NELL2: variants seen among roughly 807,000 people sequenced by gnomAD.
NELL2 encodes neural EGFL like 2.
In NELL2, 41 loss-of-function variants were observed where a neutral mutation model predicts 109.6. The observed-to-expected ratio is 0.37, with a 90% CI of 0.29 to 0.49. NELL2 has a LOEUF of 0.49. NELL2 is among the 20% of genes least tolerant of loss of function. The probability of loss-of-function intolerance (pLI) is 0.98; values close to 1 mark genes in which losing one functional copy is unlikely to be tolerated. For missense variants in NELL2, 900 were observed against 1,008.3 expected, an observed-to-expected ratio of 0.89 and a Z score of 1.45; for synonymous variants, 355 against 344.7, an observed-to-expected ratio of 1.03 and a Z score of -0.33.
At chr12:44,831,102 T>C (rs1382171262) in intron 2 of NELL2, among the ~76,000 whole-genome samples, 2 of 152,074 alleles carry the variant, frequency 1.3e-5, no homozygotes, top group African/African-American at 2.4e-5. Context: ...TTTCCCACCA[T>C]TGTGAGTTTT....
intron 16 of NELL2, among the ~76,000 whole-genome samples, chr12:44,527,793 C>A (rs943380798): frequency 3.9e-5 from 6 of 151,974 alleles, no homozygotes; most frequent in African/African-American, 1.4e-4. Context: ...TAGATGTGTT[C>A]TTTTAAAAAA....
intron 12 of NELL2, among the ~76,000 whole-genome samples, chr12:44,685,577 C>A (rs917887077): frequency 6.6e-6 from 1 of 151,922 alleles, no homozygotes. Context: ...CAATGTTTAG[C>A]GCTTCCTTCA....
intron 9 of NELL2, among the ~76,000 whole-genome samples, chr12:44,722,074 G>C (rs1383449503): frequency 2.6e-5 from 4 of 152,210 alleles, no homozygotes; most frequent in African/African-American, 9.6e-5. Flanking sequence ...ACTGGAGATG[G>C]AACAGGAGAA....
In NELL2 at chr12:44,696,133, T is replaced by C. The variant is rs1164437782; in HGVS notation, c.1318+7593A>G. ...AGAAGAGGCATCATTGGCCAAAAGA[T>C]AGCATTACAAAGACAGGAATGAGGT... On this transcript the variant is annotated intron_variant, in intron 12 of 19. Coordinates refer to ENST00000429094, the MANE Select transcript of NELL2 (RefSeq NM_001145108.2). Among the ~76,000 whole-genome samples the C allele has an allele frequency of 3.3e-5, 5 of 152,210 alleles. No individual in the cohort carries two copies. In the East Asian group the frequency reaches 5.8e-4, roughly 18 times the overall value.
intron 13 of NELL2, among the ~76,000 whole-genome samples, chr12:44,624,697 G>GTT (rs1946174586): frequency 6.6e-6 from 1 of 152,092 alleles, no homozygotes; most frequent in Non-Finnish European, 1.5e-5. Context: ...AGGATTTGCA[G>GTT]TTATCAAAAT....
intron 16 of NELL2, among the ~76,000 whole-genome samples, chr12:44,527,869 G>A (rs758986398): frequency 4.6e-5 from 7 of 151,902 alleles, no homozygotes; most frequent in East Asian, 1.9e-4. Flanking sequence ...CGAGGCGGAC[G>A]GATCACGAGG....
chr12:44,613,740 T>C lies in NELL2; in HGVS notation c.1445-2770A>G, dbSNP rs562096831. On this transcript the variant is annotated intron_variant, in intron 13 of 19. Coordinates refer to ENST00000429094, the MANE Select transcript of NELL2 (RefSeq NM_001145108.2). ...GTCTCAAAGAAGATTTGATAATCCT[T>C]CACAAAAACAGAATATAAATGAAGC... Among the ~76,000 whole-genome samples the C allele has an allele frequency of 5.3e-5, 8 of 152,170 alleles. No individual in the cohort carries two copies. The East Asian group carries it at 1.5e-3, about 29-fold the overall frequency.
At position 44,875,804 on chromosome 12, in the gene NELL2, C is replaced by A; in HGVS notation, c.55+11G>T. On this transcript the variant is annotated intron_variant, in intron 1 of 19. Transcript: ENST00000429094. The stretch of plus-strand genomic sequence containing the variant: ...ATCCCTTTCCCCAGCCCCAGCTCTG[C>A]GGCCACTCACCTGCTCCGAGACCGA... 1.2e-6 allele frequency: 2 copies of A among 1,613,352 alleles called. No individual in the cohort carries two copies. The highest frequency in any genetic ancestry group is 1.7e-6 in the Non-Finnish European group (2 of 1,180,018).
chr12:44,781,905 G>C (rs1417285016), intron 3 of NELL2, among the ~76,000 whole-genome samples: 1 of 151,940 alleles, frequency 6.6e-6, no homozygotes, highest in South Asian at 2.1e-4. Context: ...GCAAAATAAT[G>C]ACCTCTAAAC....
intron 13 of NELL2, among the ~76,000 whole-genome samples, chr12:44,649,525 C>T (rs145021462): frequency 6.6e-6 from 1 of 152,208 alleles, no homozygotes; most frequent in African/African-American, 2.4e-5. Flanking sequence ...GCTGTGTGTC[C>T]CCACATCCTG....
intron 12 of NELL2, among the ~76,000 whole-genome samples, chr12:44,671,433 C>A (rs1390494831): frequency 6.6e-6 from 1 of 151,832 alleles, no homozygotes; most frequent in African/African-American, 2.4e-5. Flanking sequence ...AAAGAAATGA[C>A]AAAGATCAGA....
intron 1 of NELL2, among the ~76,000 whole-genome samples, chr12:44,888,812 G>A (rs1258112330): frequency 1.3e-5 from 2 of 151,626 alleles, no homozygotes; most frequent in East Asian, 3.9e-4. Flanking sequence ...TTGTGTGAAT[G>A]TGGAATCATG....
chr12:44,834,847 G>A (rs550261901), intron 2 of NELL2, among the ~76,000 whole-genome samples: 10 of 152,292 alleles, frequency 6.6e-5, no homozygotes, highest in Admixed American at 5.2e-4. Context: ...ACCTCTCAGC[G>A]CCAGGAGAGC....
At chr12:44,776,242 G>T in intron 7 of NELL2, 92 bp from the exon 8 acceptor site, 2 of 1,361,528 alleles carry the variant, frequency 1.5e-6, no homozygotes, top group African/African-American at 1.5e-5. Context: ...TTTAAAGTAT[G>T]TAGCAATGAT....
chr12:44,917,774 T>A (rs986934083), upstream of NELL2, among the ~76,000 whole-genome samples: 1 of 152,214 alleles, frequency 6.6e-6, no homozygotes, highest in Admixed American at 6.5e-5. Context: ...GAGACTGTCC[T>A]GTGGGCTAGA....
In NELL2 at chr12:44,703,781, A is replaced by G; in HGVS notation, c.1263T>C (p.Val421=). ...SICRNLNDRA[V]CSCRDGFRAL... is the part of the protein sequence containing the mutation. ...CCCTAAAACCATCTCGACAGCTACA[A>G]ACAGCCCTGTCATTCAGATTTCTGC... The change falls in exon 12 of 20, where the codon GTT becomes GTC. Residue 421 remains valine (V), a synonymous_variant. Transcript: ENST00000429094. 1 of 1,613,596 alleles carries G rather than the reference A, an allele frequency of 6.2e-7. No individual in the cohort carries two copies. Among genetic ancestry groups the G allele is most frequent in the South Asian group, 1.1e-5 (1 of 91,078 alleles).
chr12:44,622,605 A>C (rs1027008019), intron 13 of NELL2, among the ~76,000 whole-genome samples: 11 of 152,198 alleles, frequency 7.2e-5, no homozygotes, highest in Non-Finnish European at 4.4e-5. Context: ...ATTTCCTAAG[A>C]AAAACAACCA....
chr12:44,870,094 C>T (rs574266126), intron 2 of NELL2, among the ~76,000 whole-genome samples: 2 of 152,262 alleles, frequency 1.3e-5, no homozygotes, highest in African/African-American at 4.8e-5. Flanking sequence ...GGTCCCCTTT[C>T]CTTCAGTTTA....
chr12:44,838,646 A>G lies in NELL2; in HGVS notation c.185-22510T>C, dbSNP rs568119887. Among the ~76,000 whole-genome samples, 196 of 148,598 alleles carry G rather than the reference A, an allele frequency of 1.3e-3. 1 individual carries two copies. The highest frequency in any genetic ancestry group is 4.7e-3 in the African/African-American group (189 of 39,962). ...ATTAACATATCTCTCACACATGTAT[A>G]GAAGCACACACACATTTTGATAATT... On this transcript the variant is annotated intron_variant, in intron 2 of 19. Coordinates refer to ENST00000429094, the MANE Select transcript of NELL2 (RefSeq NM_001145108.2).
Sources: allele counts gnomAD v4.1 joint callset (sites outside exome capture counted in the v4.1 genomes callset), GRCh38; gene constraint gnomAD v4.1.1; transcripts MANE v1.5; gene names NCBI Gene and HGNC (gene_info 2026-07-23, HGNC 2026-07-21).